Variants in UBN1 observed in about 807,000 individuals in gnomAD.
The protein encoded by UBN1 is ubinuclein-1.
In UBN1, 17 loss-of-function variants were observed where a neutral mutation model predicts 108.5. That is an observed-to-expected ratio of 0.16 (90% confidence interval 0.11 to 0.24). UBN1 has a LOEUF of 0.24. UBN1 is among the 10% of genes least tolerant of loss of function. The pLI, the probability that UBN1 is intolerant of heterozygous loss-of-function variation, is 1.00. For synonymous variants in UBN1, 726 were observed against 564.2 expected (o/e 1.29, Z -4.07); for missense variants, 1,595 against 1,394.4 (o/e 1.14, Z -2.29).
chr16:4,870,845 A>G lies in UBN1; in HGVS notation c.1432A>G (p.Met478Val), dbSNP rs1311759114. 1 of 1,613,794 alleles carries G rather than the reference A, an allele frequency of 6.2e-7. No homozygotes were observed. Among genetic ancestry groups the G allele is most frequent in the South Asian group, 1.1e-5 (1 of 91,066 alleles). Residue 478 changes from methionine (M) to valine (V), a missense_variant and splice_region_variant, in exon 11 of 18, where the codon ATG becomes GTG. By Grantham distance (21) the Met-to-Val change is conservative. Coordinates refer to ENST00000262376, the MANE Select transcript of UBN1 (RefSeq NM_001079514.3). ...QAHTQAKVAK[M>V]LEEEKDKEQR... is the part of the protein sequence containing the mutation. ...CATGTAATTCTATTCACCCCGTAGG[A>G]TGCTGGAAGAGGAGAAAGACAAGGA...
At chr16:4,860,268 T>C (rs562022354) in intron 6 of UBN1, among the ~76,000 whole-genome samples, 1 of 152,338 alleles carries the variant, frequency 6.6e-6, no homozygotes, top group South Asian at 2.1e-4. Context: ...TTTTCCCTTG[T>C]TGTCTATGGT....
intron 8 of UBN1, 47 bp from the exon 9 acceptor site, chr16:4,870,165 G>A (rs200603442): frequency 9.9e-6 from 16 of 1,612,134 alleles, no homozygotes; most frequent in Non-Finnish European, 1.2e-5. Flanking sequence ...ATGAAGACAG[G>A]AGTTGCAGTG....
At chr16:4,864,236 G>A (rs2087214688) in intron 7 of UBN1, among the ~76,000 whole-genome samples, 1 of 152,046 alleles carries the variant, frequency 6.6e-6, no homozygotes, top group Non-Finnish European at 1.5e-5. Flanking sequence ...ACAGGCGTGA[G>A]CCACTGCGCC....
intron 12 of UBN1, chr16:4,872,176 C>T: frequency 1.2e-6 from 1 of 833,922 alleles, no homozygotes; most frequent in Non-Finnish European, 1.4e-6. Flanking sequence ...AATTGCTGTC[C>T]TCTCTACGTA....
intron 7 of UBN1, among the ~76,000 whole-genome samples, chr16:4,864,332 T>C (rs537018776): frequency 6.6e-6 from 1 of 152,272 alleles, no homozygotes; most frequent in Non-Finnish European, 1.5e-5. Context: ...GAAAAAACTC[T>C]GGGAAGCAAA....
intron 2 of UBN1, among the ~76,000 whole-genome samples, chr16:4,856,629 A>G (rs2086823217): frequency 6.6e-6 from 1 of 152,122 alleles, no homozygotes; most frequent in African/African-American, 2.4e-5. Context: ...TAGTGTTGGG[A>G]CAGAGCTGGA....
At chr16:4,868,441 T>C (rs1447784676) in intron 7 of UBN1, among the ~76,000 whole-genome samples, 1 of 152,232 alleles carries the variant, frequency 6.6e-6, no homozygotes, top group East Asian at 1.9e-4. Flanking sequence ...TTAAATCCTA[T>C]AGACTGGTTG....
At chr16:4,850,365 T>C (rs541896677) in intron 1 of UBN1, among the ~76,000 whole-genome samples, 12 of 152,324 alleles carry the variant, frequency 7.9e-5, no homozygotes, top group African/African-American at 2.9e-4. Flanking sequence ...GTTATGTGTT[T>C]ACTGCCTGGA....
At position 4,860,904 on chromosome 16, in the gene UBN1, G is replaced by C. The variant is rs201019170; in HGVS notation, c.912G>C (p.Ala304=). 6.2e-7 allele frequency: 1 copy of C among 1,614,226 alleles called. No homozygotes were observed. Among genetic ancestry groups the C allele is most frequent in the African/African-American group, 1.3e-5 (1 of 75,046 alleles). The change falls in exon 7 of 18, where the codon GCG becomes GCC. Residue 304 remains alanine (A), a synonymous_variant. Transcript: ENST00000262376. ...GSTSDNDLLQ[A]ATAMDSLTDL... ...CTTCTGACAACGACTTGCTCCAGGC[G>C]GCCACTGCCATGGACTCGCTGACGG...
chr16:4,875,992 T>C (rs190418668), intron 15 of UBN1, among the ~76,000 whole-genome samples: 2 of 150,124 alleles, frequency 1.3e-5, no homozygotes, highest in East Asian at 3.9e-4. Context: ...GAAGTCTTGC[T>C]CTTTCACCAA....
chr16:4,862,767 A>G (rs1476259729), intron 7 of UBN1, among the ~76,000 whole-genome samples: 1 of 152,240 alleles, frequency 6.6e-6, no homozygotes, highest in Non-Finnish European at 1.5e-5. Flanking sequence ...GTGGCAACAG[A>G]ATGACATAAC....
chr16:4,863,510 T>G (rs2087167849), intron 7 of UBN1, among the ~76,000 whole-genome samples: 2 of 152,244 alleles, frequency 1.3e-5, no homozygotes, highest in African/African-American at 4.8e-5. Flanking sequence ...TCCTAGATCT[T>G]GAAATGGACA....
chr16:4,858,226 G>T (rs538806534), intron 3 of UBN1, 150 bp downstream of exon 3: 6 of 687,022 alleles, frequency 8.7e-6, no homozygotes, highest in Non-Finnish European at 1.5e-5. Context: ...TAAACCTAAC[G>T]CATTAAGGTA....
rs910625142 is a variant in UBN1, at chr16:4,880,346, G to A, written c.*214G>A. On this transcript the variant is annotated 3_prime_UTR_variant, in exon 18 of 18. Coordinates refer to ENST00000262376, the MANE Select transcript of UBN1 (RefSeq NM_001079514.3). ...GGAGGTGCAGACTGCCCCGTGCTCT[G>A]GGCCTTGCAGCTCTGTCGCTAGACG... The A allele has an allele frequency of 3.6e-5, 20 of 558,982 alleles. No individual in the cohort carries two copies. The Admixed American group carries it at 3.6e-4, about 10-fold the overall frequency. 34.6% of individuals were successfully genotyped at this position (558,982 alleles called of 1,614,324 possible). A position where few individuals can be genotyped will look rare whatever the true frequency, so the allele number is the denominator to read the frequency against.
chr16:4,869,000 C>A, intron 8 of UBN1, 97 bp downstream of exon 8: 1 of 1,180,140 alleles, frequency 8.5e-7, no homozygotes, highest in Non-Finnish European at 1.2e-6. Flanking sequence ...AATTGAACTG[C>A]ATAAAGGTGA....
intron 2 of UBN1, among the ~76,000 whole-genome samples, chr16:4,857,729 T>C (rs1268946231): frequency 6.6e-6 from 1 of 152,216 alleles, no homozygotes; most frequent in East Asian, 1.9e-4. Flanking sequence ...CTAAAGGCCC[T>C]TTGCTGTCTT....
intron 12 of UBN1, chr16:4,872,149 G>C: frequency 1.0e-6 from 1 of 978,596 alleles, no homozygotes; most frequent in Non-Finnish European, 1.2e-6. Context: ...TGTGCGGATA[G>C]ATCTTGGAAC....
chr16:4,867,135 T>C (rs1242068125), intron 7 of UBN1, among the ~76,000 whole-genome samples: 2 of 152,118 alleles, frequency 1.3e-5, no homozygotes, highest in Non-Finnish European at 2.9e-5. Context: ...GATACCAGGC[T>C]TGGAAAGAGC....
rs752149313 is a variant in UBN1, at chr16:4,877,085, G to A, written c.3239G>A (p.Gly1080Glu). ...GCCATCGTCACAGGCCCTGCCCCCG[G>A]GTCCTTCCACCATGGCCTTGGCCAC... ...KDAIVTGPAP[G>E]SFHHGLGHSL... Residue 1080 changes from glycine (G) to glutamate (E), a missense_variant, in exon 16 of 18, where the codon GGG (glycine) becomes GAG (glutamate). Physicochemically the swap from Gly to Glu is moderately conservative, Grantham distance 98. Around this residue, in one of 3 missense-constraint regions of UBN1, gnomAD observed 1,398 missense variants for 1,194.7 expected, o/e 1.17. Coordinates refer to ENST00000262376, the MANE Select transcript of UBN1 (RefSeq NM_001079514.3). This position sits in a 1 kb window ranked among gnomAD's most constrained non-coding sequence, Gnocchi z 4.3. The A allele has an allele frequency of 1.9e-6, 3 of 1,612,974 alleles. No homozygotes were observed. Among genetic ancestry groups the A allele is most frequent in the Admixed American group, 1.7e-5 (1 of 59,868 alleles).
Sources: allele counts gnomAD v4.1 joint callset (sites outside exome capture counted in the v4.1 genomes callset), GRCh38; gene constraint gnomAD v4.1.1; regional missense constraint gnomAD v4.1.1; non-coding constraint Gnocchi (gnomAD v3.1); transcripts MANE v1.5; gene names NCBI Gene and HGNC (gene_info 2026-07-23, HGNC 2026-07-21).